Variants in KL observed in about 807,000 individuals in gnomAD.
The protein encoded by KL is klotho.
Under a neutral mutation model 84.2 loss-of-function variants are expected in KL, and 62 were observed. The observed-to-expected ratio is 0.74, with a 90% CI of 0.60 to 0.91. The LOEUF is 0.91. Ranked by LOEUF, KL falls within the 40% of genes least tolerant of loss-of-function variation. KL has a pLI of 0.00. For missense variants in KL, 1,261 were observed against 1,305.7 expected (o/e 0.97, Z 0.53); for synonymous variants, 528 against 528.0 (o/e 1.00, Z 0.00).
In KL at chr13:33,055,727, C is replaced by T. The variant is rs190402602; in HGVS notation, c.1599+412C>T. On this transcript the variant is annotated intron_variant, in intron 3 of 4. Transcript: ENST00000380099. ...AGGCAGGAACATTAGGCAGAGTCCTCCAGAGGCACAACTGTGGGCTCCACA... is the reference window on the plus strand; with the variant it reads ...AGGCAGGAACATTAGGCAGAGTCCTTCAGAGGCACAACTGTGGGCTCCACA... Among the ~76,000 whole-genome samples, 1,012 of 152,286 alleles carry T rather than the reference C, an allele frequency of 6.6e-3. 3 individuals are homozygous for T. Among genetic ancestry groups the T allele is most frequent in the Non-Finnish European group, 9.4e-3 (637 of 68,026 alleles).
intron 2 of KL, among the ~76,000 whole-genome samples, chr13:33,054,678 A>G (rs559530034): frequency 3.3e-5 from 5 of 152,344 alleles, no homozygotes; most frequent in African/African-American, 1.2e-4. Context: ...AATAGTATAA[A>G]TAGATCATGC....
chr13:33,062,800 C>G (rs1252204079), intron 4 of KL, among the ~76,000 whole-genome samples: 1 of 151,554 alleles, frequency 6.6e-6, no homozygotes. Context: ...CACTGTGACA[C>G]AGGTTTTGCA....
rs760777724 is a variant in KL, at chr13:33,062,501, C to T, written c.2701+721C>T. Among the ~76,000 whole-genome samples, 4 of 151,542 alleles carry T rather than the reference C, an allele frequency of 2.6e-5. No individual in the cohort carries two copies. The South Asian group carries it at 6.3e-4, about 24-fold the overall frequency. On this transcript the variant is annotated intron_variant, in intron 4 of 4. Coordinates refer to ENST00000380099, the MANE Select transcript of KL (RefSeq NM_004795.4). ...CAGCCTGACCAACATGGTGAAACCC[C>T]GTCTCTACTGAAAATACGAAAATTA...
chr13:33,040,405 T>C (rs1871295880), intron 1 of KL, among the ~76,000 whole-genome samples: 1 of 152,084 alleles, frequency 6.6e-6, no homozygotes, highest in Non-Finnish European at 1.5e-5. Flanking sequence ...AAAAAGAAAA[T>C]AAATCTCTAG....
At position 33,061,136 on chromosome 13, in the gene KL, C is replaced by T. The variant is rs141695559; in HGVS notation, c.2057C>T (p.Thr686Met). The change falls in exon 4 of 5, where the codon ACG (threonine) becomes ATG (methionine). Residue 686 changes from threonine (T) to methionine (M), a missense_variant. Transcript: ENST00000380099. ...ELGHHVKLWI[T>M]MNEPYTRNMT... ...GGCCATCACGTCAAGCTTTGGATAA[C>T]GATGAATGAGCCGTATACAAGGAAT... is the stretch of plus-strand genomic sequence containing the variant. The T allele has an allele frequency of 2.0e-5, 32 of 1,614,062 alleles. No homozygotes were observed. Among genetic ancestry groups the T allele is most frequent in the South Asian group, 4.4e-5 (4 of 91,086 alleles).
chr13:33,062,682 A>AAAG (rs1872255454), intron 4 of KL, among the ~76,000 whole-genome samples: 1 of 151,230 alleles, frequency 6.6e-6, no homozygotes, highest in Non-Finnish European at 1.5e-5. Context: ...CAAAAAAAAA[A>AAAG]AAAAAAAAAA....
chr13:33,029,585 G>T (rs1382459768), intron 1 of KL, among the ~76,000 whole-genome samples: 1 of 152,140 alleles, frequency 6.6e-6, no homozygotes, highest in Non-Finnish European at 1.5e-5. Context: ...GTATGTCTTA[G>T]TTCATTTTGT....
In KL at chr13:33,065,040, GTGCAACATTA is replaced by G; in HGVS notation, c.*857_*866del. 4.4e-6 allele frequency: 1 copy of G among 228,816 alleles called. No individual in the cohort carries two copies. Among genetic ancestry groups the G allele is most frequent in the South Asian group, 1.8e-4 (1 of 5,502 alleles). The allele number at this position is 228,816 out of a possible 1,614,324, so 14.2% of individuals were successfully genotyped here. A position where few individuals can be genotyped will look rare whatever the true frequency, so the allele number is the denominator to read the frequency against. ...GAAAGGAGGAAAAAGTGCTTATTATGTGCAACATTATGATTAATCTGATTATACACCATTT... is the reference window on the plus strand; with the variant it reads ...GAAAGGAGGAAAAAGTGCTTATTATGTGATTAATCTGATTATACACCATTT... On this transcript the variant is annotated 3_prime_UTR_variant, in exon 5 of 5. Coordinates refer to ENST00000380099, the MANE Select transcript of KL (RefSeq NM_004795.4).
chr13:33,060,585 C>T, intron 3 of KL, 94 bp from the exon 4 acceptor site: 1 of 1,392,428 alleles, frequency 7.2e-7, no homozygotes, highest in African/African-American at 1.4e-5. Context: ...TCTATTTTTG[C>T]TCATATTCCT....
chr13:33,038,811 A>G (rs1350199256), intron 1 of KL, among the ~76,000 whole-genome samples: 2 of 152,220 alleles, frequency 1.3e-5, no homozygotes, highest in East Asian at 3.8e-4. Flanking sequence ...AAATGAAAAC[A>G]GCTAAACAAG....
At chr13:33,056,576 A>G (rs1871964991) in intron 3 of KL, among the ~76,000 whole-genome samples, 2 of 151,662 alleles carry the variant, frequency 1.3e-5, no homozygotes, top group Admixed American at 6.6e-5. Context: ...CGGGCGGATC[A>G]TGAGGTCAGG....
chr13:33,046,158 A>G (rs1028331325), intron 1 of KL, among the ~76,000 whole-genome samples: 13 of 152,224 alleles, frequency 8.5e-5, no homozygotes, highest in African/African-American at 3.1e-4. Context: ...TGCTGGCCAC[A>G]TTGGCTAAGT....
chr13:33,016,804 G>T lies in KL; in HGVS notation c.364G>T (p.Gly122Trp). The T allele has an allele frequency of 6.2e-7, 1 of 1,612,480 alleles. No individual in the cohort carries two copies. Among genetic ancestry groups the T allele is most frequent in the Non-Finnish European group, 8.5e-7 (1 of 1,179,736 alleles). Residue 122 changes from glycine to tryptophan, a missense_variant, in exon 1 of 5, where the codon GGG (glycine) becomes TGG (tryptophan). Physicochemically the swap from Gly to Trp is radical, Grantham distance 184. Coordinates refer to ENST00000380099, the MANE Select transcript of KL (RefSeq NM_004795.4). ...CCCGTCGCCGCTGCAGCCCGCCACC[G>T]GGGACGTAGCCAGCGACAGCTACAA... is the stretch of plus-strand genomic sequence containing the variant. ...GAPSPLQPAT[G>W]DVASDSYNNV...
rs1016562866 is a variant in KL, at chr13:33,054,152, A to T, written c.1205A>T (p.Asp402Val). 2 of 1,613,854 alleles carry T rather than the reference A, an allele frequency of 1.2e-6. No homozygotes were observed. The highest frequency in any genetic ancestry group is 2.7e-5 in the African/African-American group (2 of 74,860). The change falls in exon 2 of 5, where the codon GAC (aspartate) becomes GTC (valine). Residue 402 changes from aspartate to valine, a missense_variant. Physicochemically the swap from Asp to Val is radical, Grantham distance 152. Transcript: ENST00000380099. ...CTGAGGCAACTGCTTTCCTGGATTG[A>T]CCTTGAATTTAACCATCCTCAAATA... ...PNLRQLLSWIDLEFNHPQIFI... is the reference protein window; with the variant it reads ...PNLRQLLSWIVLEFNHPQIFI...
At chr13:33,052,929 A>G (rs1038518259) in intron 1 of KL, among the ~76,000 whole-genome samples, 3 of 152,244 alleles carry the variant, frequency 2.0e-5, no homozygotes, top group African/African-American at 7.2e-5. Flanking sequence ...AACCCCTATA[A>G]TTTTCACTCT....
At chr13:33,022,223 A>G (rs1388858247) in intron 1 of KL, among the ~76,000 whole-genome samples, 4 of 152,262 alleles carry the variant, frequency 2.6e-5, no homozygotes, top group Non-Finnish European at 2.9e-5. Context: ...TGAATGAACA[A>G]TTAACTGTGC....
At chr13:33,056,080 T>A (rs1272155879) in intron 3 of KL, among the ~76,000 whole-genome samples, 3 of 152,176 alleles carry the variant, frequency 2.0e-5, no homozygotes, top group Non-Finnish European at 4.4e-5. Flanking sequence ...AGGGTAACCT[T>A]TGCTTTCAAA....
intron 1 of KL, among the ~76,000 whole-genome samples, chr13:33,051,830 C>T (rs1871760363): frequency 6.6e-6 from 1 of 152,210 alleles, no homozygotes; most frequent in Non-Finnish European, 1.5e-5. Flanking sequence ...TAGGACATGA[C>T]TGTTCATAGG....
At position 33,065,697 on chromosome 13, in the gene KL, A is replaced by G; in HGVS notation, c.*1511A>G. On this transcript the variant is annotated 3_prime_UTR_variant, in exon 5 of 5. Transcript: ENST00000380099. ...TTTATTTTATGTATATATTTTTCTG[A>G]TTATAAGAGTAATATATGTTCATTG... The G allele has an allele frequency of 5.6e-6, 1 of 177,054 alleles. No homozygotes were observed. Among genetic ancestry groups the G allele is most frequent in the East Asian group, 9.8e-5 (1 of 10,188 alleles). 11.0% of individuals were successfully genotyped at this position (177,054 alleles called of 1,614,324 possible).
Sources: allele counts gnomAD v4.1 joint callset (sites outside exome capture counted in the v4.1 genomes callset), GRCh38; gene constraint gnomAD v4.1.1; transcripts MANE v1.5; gene names NCBI Gene and HGNC (gene_info 2026-07-23, HGNC 2026-07-21).